HTR7: variants seen among roughly 807,000 people sequenced by gnomAD.
The protein encoded by HTR7 is 5-hydroxytryptamine receptor 7.
HTR7 carries 16 observed loss-of-function variants against 34.0 expected under a neutral mutation model. The ratio of observed to expected loss-of-function variants is 0.47; its 90% CI spans 0.32 to 0.71. The LOEUF (loss-of-function observed/expected upper bound fraction) is 0.71, where lower values mean the gene tolerates loss of function less well. Ranked by LOEUF, HTR7 falls within the 30% of genes least tolerant of loss-of-function variation. The pLI is 0.04. For synonymous variants in HTR7, 265 were observed against 260.2 expected, an observed-to-expected ratio of 1.02 and a Z score of -0.18; for missense variants, 504 against 625.5, an observed-to-expected ratio of 0.81 and a Z score of 2.07.
At chr10:90,849,404 A>C (rs1846460612) in intron 1 of HTR7, among the ~76,000 whole-genome samples, 1 of 152,238 alleles carries the variant, frequency 6.6e-6, no homozygotes. Context: ...TTAAAAAAAA[A>C]ACACATATTA....
At chr10:90,760,563 T>C (rs1844919060) in intron 1 of HTR7, among the ~76,000 whole-genome samples, 1 of 152,184 alleles carries the variant, frequency 6.6e-6, no homozygotes, top group Non-Finnish European at 1.5e-5. Flanking sequence ...CCTGATCTGA[T>C]CACTATACAT....
In HTR7 at chr10:90,857,080, A is replaced by G; in HGVS notation, c.539+53T>C. ...CAGGAAAGGCGAGCGCGCGGGGCTGAGCTGCCAGCCGGTCCCCAGCCGGAG... is the reference window on the plus strand; with the variant it reads ...CAGGAAAGGCGAGCGCGCGGGGCTGGGCTGCCAGCCGGTCCCCAGCCGGAG... On this transcript the variant is annotated intron_variant, in intron 1 of 3. Coordinates refer to ENST00000336152, the MANE Select transcript of HTR7 (RefSeq NM_019859.4). The surrounding 1 kb of genome is among the most constrained non-coding windows in gnomAD (Gnocchi z 6.5). The G allele has an allele frequency of 1.4e-6, 2 of 1,466,868 alleles. No individual in the cohort carries two copies. Among genetic ancestry groups the G allele is most frequent in the Non-Finnish European group, 1.8e-6 (2 of 1,096,944 alleles). The allele number at this position is 1,466,868 out of a possible 1,614,324, so 90.9% of individuals were successfully genotyped here.
At position 90,835,053 on chromosome 10, in the gene HTR7, G is replaced by A. The variant is rs148714556; in HGVS notation, c.539+22080C>T. Among the ~76,000 whole-genome samples the A allele has an allele frequency of 3.4e-4, 52 of 152,300 alleles. No homozygotes were observed. The East Asian group carries it at 5.8e-3, about 17-fold the overall frequency. ...AACCACTGTGGAAATGTAAAAATGC[G>A]TCTGACTCACCCAAGATGTAGTAAT... On this transcript the variant is annotated intron_variant, in intron 1 of 3. Transcript: ENST00000336152.
chr10:90,745,542 T>C (rs1370552836), intron 2 of HTR7, among the ~76,000 whole-genome samples: 1 of 152,240 alleles, frequency 6.6e-6, no homozygotes, highest in Non-Finnish European at 1.5e-5. Context: ...AACAAAATTA[T>C]GTGCATAAGG....
At chr10:90,852,371 A>G (rs1846514831) in intron 1 of HTR7, among the ~76,000 whole-genome samples, 1 of 152,212 alleles carries the variant, frequency 6.6e-6, no homozygotes, top group African/African-American at 2.4e-5. Flanking sequence ...TTACAACAAT[A>G]AAAATAATAT....
chr10:90,788,052 C>T (rs552349708), intron 1 of HTR7, among the ~76,000 whole-genome samples: 11 of 152,068 alleles, frequency 7.2e-5, no homozygotes, highest in African/African-American at 2.7e-4. Context: ...TTAAATTACC[C>T]TTACCCTGAG....
chr10:90,821,134 GCACA>G (rs3035231), intron 1 of HTR7, among the ~76,000 whole-genome samples: 128 of 150,316 alleles, frequency 8.5e-4, no homozygotes, highest in Non-Finnish European at 1.3e-3. Flanking sequence ...ACACACACAT[GCACA>G]CACACACACA....
At chr10:90,776,810 T>C (rs752251646) in intron 1 of HTR7, among the ~76,000 whole-genome samples, 18 of 152,200 alleles carry the variant, frequency 1.2e-4, no homozygotes, top group Non-Finnish European at 2.4e-4. Context: ...CAGACTATAA[T>C]AGAATTTTCT....
intron 1 of HTR7, among the ~76,000 whole-genome samples, chr10:90,751,962 A>C (rs1376104417): frequency 6.6e-6 from 1 of 152,226 alleles, no homozygotes; most frequent in South Asian, 2.1e-4. Context: ...TTTAAATGGT[A>C]TGTTTATTCA....
chr10:90,777,505 C>A (rs370087923), intron 1 of HTR7, among the ~76,000 whole-genome samples: 1 of 149,522 alleles, frequency 6.7e-6, no homozygotes, highest in Non-Finnish European at 1.5e-5. Context: ...AAAAAAGATG[C>A]CTCCTACAAA....
chr10:90,759,019 C>G (rs1276868711), intron 1 of HTR7, among the ~76,000 whole-genome samples: 1 of 151,812 alleles, frequency 6.6e-6, no homozygotes, highest in East Asian at 2.0e-4. Flanking sequence ...GAAACCCTGT[C>G]TCTACTAAAA....
intron 1 of HTR7, among the ~76,000 whole-genome samples, chr10:90,775,074 C>T (rs140517470): frequency 6.6e-6 from 1 of 152,190 alleles, no homozygotes; most frequent in East Asian, 1.9e-4. Context: ...TTAAAGTTAC[C>T]CATACTCTCA....
intron 1 of HTR7, among the ~76,000 whole-genome samples, chr10:90,815,441 A>G (rs1177135274): frequency 6.6e-6 from 1 of 152,210 alleles, no homozygotes; most frequent in East Asian, 1.9e-4. Flanking sequence ...GTTTATAAAA[A>G]TGGATCTTGT....
At chr10:90,806,938 GATTACCAAGAAGGTAGC>G (rs1291873301) in intron 1 of HTR7, among the ~76,000 whole-genome samples, 1 of 152,148 alleles carries the variant, frequency 6.6e-6, no homozygotes, top group African/African-American at 2.4e-5. Flanking sequence ...TGAGACCTGT[GATTACCAAGAAGGTAGC>G]TAATGTGAGG....
rs543003310 is a variant in HTR7 at position 90,779,478 on chromosome 10, C to CTGCACTGG, written c.540-29892_540-29885dup. ...CCACCTGCTTTTTGTTTCTCGTATA[C>CTGCACTGG]TGCACTGGTCCAAAGAAGCTAGGTT... On this transcript the variant is annotated intron_variant, in intron 1 of 3. Transcript: ENST00000336152. 1.8e-4 allele frequency among the ~76,000 whole-genome samples: 27 copies of CTGCACTGG among 152,344 alleles called. No homozygotes were observed. In the East Asian group the frequency reaches 5.0e-3, roughly 28 times the overall value.
At chr10:90,838,450 G>A (rs1348502355) in intron 1 of HTR7, among the ~76,000 whole-genome samples, 3 of 152,128 alleles carry the variant, frequency 2.0e-5, no homozygotes, top group East Asian at 1.9e-4. Flanking sequence ...CTTGACTAAC[G>A]TAGAAGCCTT....
chr10:90,824,026 T>C (rs1016260379), intron 1 of HTR7, among the ~76,000 whole-genome samples: 2 of 152,242 alleles, frequency 1.3e-5, no homozygotes, highest in Non-Finnish European at 2.9e-5. Flanking sequence ...TAGTTCTTTA[T>C]AGCAGTGTGA....
intron 1 of HTR7, among the ~76,000 whole-genome samples, chr10:90,786,970 CATACTTTAATA>C (rs1245286949): frequency 5.3e-5 from 8 of 152,104 alleles, no homozygotes; most frequent in Non-Finnish European, 1.2e-4. Flanking sequence ...AGGAAAATGG[CATACTTTAATA>C]ATAAGATACC....
At chr10:90,791,780 T>C (rs969960327) in intron 1 of HTR7, among the ~76,000 whole-genome samples, 1 of 152,170 alleles carries the variant, frequency 6.6e-6, no homozygotes. Flanking sequence ...ATTTTATCAC[T>C]ATCATCTTTC....
Sources: allele counts gnomAD v4.1 joint callset (sites outside exome capture counted in the v4.1 genomes callset), GRCh38; gene constraint gnomAD v4.1.1; non-coding constraint Gnocchi (gnomAD v3.1); transcripts MANE v1.5; gene names NCBI Gene and HGNC (gene_info 2026-07-23, HGNC 2026-07-21).